The following CPA6 variants were observed in gnomAD, a reference collection of about 807,000 sequenced individuals.
CPA6 encodes the protein carboxypeptidase B.
CPA6 carries 58 observed loss-of-function variants against 63.3 expected under a neutral mutation model. That is an observed-to-expected ratio of 0.92 (90% CI 0.74 to 1.14). The LOEUF (loss-of-function observed/expected upper bound fraction) is 1.14, where lower values mean the gene tolerates loss of function less well. Ranked by LOEUF, CPA6 falls within the 50% of genes most tolerant of loss-of-function variation. The pLI is 0.00. For synonymous variants in CPA6, 185 were observed against 179.0 expected (o/e 1.03, Z -0.27); for missense variants, 565 against 526.6 (o/e 1.07, Z -0.71).
At chr8:67,484,528 CTGAT>C in intron 7 of CPA6, 147 bp downstream of exon 7, 1 of 508,196 alleles carries the variant, frequency 2.0e-6, no homozygotes, top group Middle Eastern at 2.9e-4. Flanking sequence ...TGTTGGTGCT[CTGAT>C]TGGGGAAAGA....
chr8:67,490,645 A>G (rs764421331), intron 6 of CPA6, among the ~76,000 whole-genome samples: 4 of 152,250 alleles, frequency 2.6e-5, no homozygotes, highest in Non-Finnish European at 5.9e-5. Context: ...AGAAAGACAT[A>G]GAATGAATCT....
At chr8:67,470,904 A>C (rs1483333341) in intron 8 of CPA6, among the ~76,000 whole-genome samples, 1 of 152,208 alleles carries the variant, frequency 6.6e-6, no homozygotes, top group African/African-American at 2.4e-5. Flanking sequence ...TTAGAATCTA[A>C]ATATCTGCCC....
At chr8:67,463,616 G>A (rs1054293168) in intron 8 of CPA6, among the ~76,000 whole-genome samples, 5 of 152,182 alleles carry the variant, frequency 3.3e-5, no homozygotes, top group South Asian at 4.1e-4. Context: ...GAATGATACC[G>A]TCCCCCACAT....
chr8:67,691,520 G>C (rs780239975), intron 1 of CPA6, among the ~76,000 whole-genome samples: 2 of 152,142 alleles, frequency 1.3e-5, no homozygotes, highest in Non-Finnish European at 2.9e-5. Context: ...CTGAGAAGGT[G>C]GTGGGAAGAC....
intron 2 of CPA6, among the ~76,000 whole-genome samples, chr8:67,568,300 G>C (rs193114833): frequency 2.0e-5 from 3 of 152,132 alleles, no homozygotes; most frequent in Non-Finnish European, 2.9e-5. Context: ...CAATGAGAAA[G>C]CTCCAGCAAT....
intron 1 of CPA6, among the ~76,000 whole-genome samples, chr8:67,635,172 G>A (rs1374265910): frequency 1.3e-5 from 2 of 151,714 alleles, no homozygotes; most frequent in South Asian, 2.1e-4. Flanking sequence ...ACAGGCATGA[G>A]CCATTGCACC....
chr8:67,676,246 A>G (rs1816471967), intron 1 of CPA6, among the ~76,000 whole-genome samples: 1 of 152,198 alleles, frequency 6.6e-6, no homozygotes, highest in Non-Finnish European at 1.5e-5. Flanking sequence ...ATTTATAAAT[A>G]TGGAGAGGCA....
rs1810685681 is a variant in CPA6 at position 67,456,769 on chromosome 8, TGAG to T, written c.839-22532_839-22530del. ...ATGTGATACATTAAGGTTCTTGAGA[TGAG>T]GAGATTATTCCGGATTATCTGAATA... On this transcript the variant is annotated intron_variant, in intron 8 of 10. Transcript: ENST00000297770. Among the ~76,000 whole-genome samples, 5 of 152,186 alleles carry T rather than the reference TGAG, an allele frequency of 3.3e-5. No individual in the cohort carries two copies. In the South Asian group the frequency reaches 8.3e-4, roughly 25 times the overall value.
At chr8:67,556,268 G>A (rs1435529395) in intron 2 of CPA6, among the ~76,000 whole-genome samples, 1 of 152,000 alleles carries the variant, frequency 6.6e-6, no homozygotes, top group Non-Finnish European at 1.5e-5. Flanking sequence ...TGTTGCCACT[G>A]GTCTTGGGGC....
At chr8:67,694,031 C>T (rs1028218381) in intron 1 of CPA6, among the ~76,000 whole-genome samples, 1 of 152,160 alleles carries the variant, frequency 6.6e-6, no homozygotes, top group Admixed American at 6.5e-5. Flanking sequence ...GGCAAAATGC[C>T]TAATAGACCT....
chr8:67,644,632 G>A (rs756044132), intron 1 of CPA6, among the ~76,000 whole-genome samples: 10 of 152,216 alleles, frequency 6.6e-5, no homozygotes, highest in Non-Finnish European at 1.2e-4. Flanking sequence ...AACTTGAAGA[G>A]GGATTGCAGA....
At chr8:67,640,978 G>A (rs557416417) in intron 1 of CPA6, among the ~76,000 whole-genome samples, 5 of 151,820 alleles carry the variant, frequency 3.3e-5, no homozygotes, top group Non-Finnish European at 5.9e-5. Context: ...CTGGGAGCAC[G>A]TCCTGCCCAG....
chr8:67,562,190 C>T (rs1813228787), intron 2 of CPA6, among the ~76,000 whole-genome samples: 1 of 152,128 alleles, frequency 6.6e-6, no homozygotes, highest in African/African-American at 2.4e-5. Flanking sequence ...AGCTTTAAGT[C>T]CAATTTTCCC....
chr8:67,511,123 C>T (rs568351172), intron 4 of CPA6, among the ~76,000 whole-genome samples: 1 of 152,124 alleles, frequency 6.6e-6, no homozygotes, highest in Non-Finnish European at 1.5e-5. Context: ...CCAAATGAAG[C>T]TTTGCCTTTG....
At chr8:67,726,403 G>T (rs1420222731) in intron 1 of CPA6, among the ~76,000 whole-genome samples, 1 of 152,148 alleles carries the variant, frequency 6.6e-6, no homozygotes, top group African/African-American at 2.4e-5. Flanking sequence ...TTTGGCAAAT[G>T]ACGACGTTTA....
At chr8:67,564,116 G>T (rs1460179968) in intron 2 of CPA6, among the ~76,000 whole-genome samples, 3 of 152,156 alleles carry the variant, frequency 2.0e-5, no homozygotes, top group African/African-American at 4.8e-5. Context: ...CCACATGATA[G>T]GTGCTTAGCA....
intron 1 of CPA6, among the ~76,000 whole-genome samples, chr8:67,713,371 T>C (rs1035390411): frequency 3.3e-5 from 5 of 151,798 alleles, no homozygotes; most frequent in African/African-American, 1.2e-4. Flanking sequence ...GAGTTTGGTT[T>C]TGGTAGAGGA....
chr8:67,552,477 A>C (rs1427460534), intron 2 of CPA6, among the ~76,000 whole-genome samples: 1 of 152,176 alleles, frequency 6.6e-6, no homozygotes, highest in Non-Finnish European at 1.5e-5. Context: ...TTTTGAACAT[A>C]TTATAAAAAA....
Position 67,422,392 on chromosome 8 carries a change from A to G in CPA6, c.*112T>C, listed in dbSNP as rs1462913631. The G allele has an allele frequency of 4.5e-6, 4 of 893,314 alleles. No homozygotes were observed. The highest frequency in any genetic ancestry group is 2.4e-5 in the East Asian group (1 of 41,290). The allele number at this position is 893,314 out of a possible 1,614,324, so 55.3% of individuals were successfully genotyped here. Reference sequence around the variant, plus strand: ...ATTGCGTGGGGTCTTTTTAAAGTCCATAGACATGTTCACTCTAAGCAGCTG... The same window carrying G: ...ATTGCGTGGGGTCTTTTTAAAGTCCGTAGACATGTTCACTCTAAGCAGCTG... On this transcript the variant is annotated 3_prime_UTR_variant, in exon 11 of 11. Coordinates refer to ENST00000297770, the MANE Select transcript of CPA6 (RefSeq NM_020361.5).
Sources: gnomAD v4.1 joint callset for allele counts (sites outside exome capture counted in the v4.1 genomes callset) on GRCh38, gnomAD v4.1.1 for gene constraint, MANE v1.5 for transcripts, NCBI Gene and HGNC (gene_info 2026-07-23, HGNC 2026-07-21) for gene names.